Variants in METTL25 observed in about 807,000 individuals in gnomAD.
METTL25 encodes probable methyltransferase-like protein 25.
In METTL25, 64 loss-of-function variants were observed where a neutral mutation model predicts 71.6. The observed-to-expected ratio is 0.89, with a 90% CI of 0.73 to 1.10. The LOEUF (loss-of-function observed/expected upper bound fraction) is 1.10, where lower values mean the gene tolerates loss of function less well. Ranked by LOEUF, METTL25 falls within the 50% of genes least tolerant of loss-of-function variation. METTL25 has a pLI of 0.00. For synonymous variants in METTL25, 287 were observed against 250.3 expected (o/e 1.15, Z -1.38); for missense variants, 807 against 707.0 (o/e 1.14, Z -1.60).
At chr12:82,366,353 A>T (rs1212362693) in intron 1 of METTL25, among the ~76,000 whole-genome samples, 1 of 152,106 alleles carries the variant, frequency 6.6e-6, no homozygotes, top group African/African-American at 2.4e-5. Context: ...GCCTCCAGGG[A>T]CTTTCTCTTG....
At chr12:82,447,980 A>G (rs1325569200) in intron 8 of METTL25, among the ~76,000 whole-genome samples, 1 of 152,086 alleles carries the variant, frequency 6.6e-6, no homozygotes, top group African/African-American at 2.4e-5. Context: ...AACCAGGATC[A>G]GGACTAAATT....
At chr12:82,441,755 A>G (rs1270452529) in intron 8 of METTL25, among the ~76,000 whole-genome samples, 1 of 150,616 alleles carries the variant, frequency 6.6e-6, no homozygotes, top group Non-Finnish European at 1.5e-5. Flanking sequence ...CAGGCCTAGA[A>G]AAACTTTTAT....
At chr12:82,393,013 A>G (rs561187152) in intron 3 of METTL25, among the ~76,000 whole-genome samples, 1 of 152,066 alleles carries the variant, frequency 6.6e-6, no homozygotes, top group South Asian at 2.1e-4. Flanking sequence ...GGAGTGTCAT[A>G]CTGTTTGGGT....
Position 82,358,629 on chromosome 12 carries a change from G to A in METTL25, c.64G>A (p.Gly22Arg), listed in dbSNP as rs749709750. ...GCCCACGCTGCGTGCCAAGTTGCAGGGACTGCTGCAGTTCCTGAGGGATGC... is the reference window on the plus strand; with the variant it reads ...GCCCACGCTGCGTGCCAAGTTGCAGAGACTGCTGCAGTTCCTGAGGGATGC... ...DLPTLRAKLQ[G>R]LLQFLRDALS... The change falls in exon 1 of 12, where the codon GGA (glycine) becomes AGA (arginine). Residue 22 changes from glycine (G) to arginine (R), a missense_variant. Coordinates refer to ENST00000248306, the MANE Select transcript of METTL25 (RefSeq NM_032230.3). 4.3e-6 allele frequency: 7 copies of A among 1,613,950 alleles called. No homozygotes were observed. Among genetic ancestry groups the A allele is most frequent in the Non-Finnish European group, 5.9e-6 (7 of 1,180,060 alleles).
chr12:82,457,788 A>G (rs566352967), intron 9 of METTL25, among the ~76,000 whole-genome samples: 2 of 152,202 alleles, frequency 1.3e-5, no homozygotes, highest in Admixed American at 1.3e-4. Context: ...AAATATTTTT[A>G]TTTAGTCACT....
At chr12:82,395,612 C>G (rs997140685) in intron 3 of METTL25, among the ~76,000 whole-genome samples, 2 of 152,014 alleles carry the variant, frequency 1.3e-5, no homozygotes, top group African/African-American at 4.8e-5. Flanking sequence ...TGTATCTTTA[C>G]TATCTAAAGT....
intron 5 of METTL25, among the ~76,000 whole-genome samples, chr12:82,406,151 C>T (rs1887069251): frequency 6.6e-6 from 1 of 152,136 alleles, no homozygotes; most frequent in South Asian, 2.1e-4. Flanking sequence ...GTGTTCCACT[C>T]TGTGCTTAGT....
At chr12:82,451,134 A>G (rs950246622) in intron 8 of METTL25, among the ~76,000 whole-genome samples, 28 of 152,200 alleles carry the variant, frequency 1.8e-4, no homozygotes, top group Middle Eastern at 3.2e-3. Context: ...GACTTTGATT[A>G]TTCTGTAACT....
Position 82,458,061 on chromosome 12 carries a change from T to C in METTL25, c.1572+1241T>C, listed in dbSNP as rs1022336615. Among the ~76,000 whole-genome samples, 37 of 152,210 alleles carry C rather than the reference T, an allele frequency of 2.4e-4. No homozygotes were observed. In the Middle Eastern group the frequency reaches 0.014, roughly 56 times the overall value. The stretch of plus-strand genomic sequence containing the variant: ...TACAGTTTTACTTAAACTTAATAAA[T>C]TAAAAAATTTATTATCATTCCTTCT... On this transcript the variant is annotated intron_variant, in intron 9 of 11. Transcript: ENST00000248306.
intron 8 of METTL25, chr12:82,439,749 T>G (rs1161391443): frequency 1.1e-5 from 4 of 358,852 alleles, no homozygotes; most frequent in African/African-American, 2.2e-5. Context: ...TAGTTCCTTC[T>G]CTTATATTTA....
At chr12:82,435,317 T>G (rs1022011124) in intron 7 of METTL25, among the ~76,000 whole-genome samples, 6 of 151,456 alleles carry the variant, frequency 4.0e-5, no homozygotes, top group Admixed American at 3.3e-4. Context: ...GAAATATTTC[T>G]TTTGCTTTTG....
intron 1 of METTL25, among the ~76,000 whole-genome samples, chr12:82,360,758 G>A (rs117713291): frequency 0.01 from 1,549 of 152,222 alleles, 6 homozygotes; most frequent in Non-Finnish European, 0.015. Context: ...TCTTGTGTCC[G>A]GAATTGTTAG....
At chr12:82,394,042 A>G (rs1038614243) in intron 3 of METTL25, among the ~76,000 whole-genome samples, 1 of 151,842 alleles carries the variant, frequency 6.6e-6, no homozygotes, top group Non-Finnish European at 1.5e-5. Flanking sequence ...ATGTGTTTTT[A>G]TACTCTTCAG....
chr12:82,366,071 G>C (rs994392650), intron 1 of METTL25, among the ~76,000 whole-genome samples: 1 of 152,014 alleles, frequency 6.6e-6, no homozygotes, highest in African/African-American at 2.4e-5. Context: ...AACAGAGTGA[G>C]ATTCCGTCTC....
intron 1 of METTL25, among the ~76,000 whole-genome samples, chr12:82,359,678 G>A (rs1881552494): frequency 6.6e-6 from 1 of 151,276 alleles, no homozygotes; most frequent in African/African-American, 2.4e-5. Flanking sequence ...CCTAATATGT[G>A]TCTTGAATTT....
chr12:82,406,499 G>A (rs750835454), intron 5 of METTL25, among the ~76,000 whole-genome samples: 14 of 151,938 alleles, frequency 9.2e-5, no homozygotes, highest in Admixed American at 3.3e-4. Context: ...CACAGAGAAC[G>A]TTGCTTTAGT....
intron 8 of METTL25, among the ~76,000 whole-genome samples, chr12:82,449,696 G>A (rs984221031): frequency 6.6e-6 from 1 of 151,964 alleles, no homozygotes; most frequent in African/African-American, 2.4e-5. Flanking sequence ...ACAATTAATT[G>A]TATTTCTACT....
intron 9 of METTL25, among the ~76,000 whole-genome samples, chr12:82,464,598 C>A (rs981400908): frequency 7.9e-5 from 12 of 151,838 alleles, no homozygotes; most frequent in Admixed American, 4.6e-4. Context: ...TATTCTGGAT[C>A]TTTTGTAACT....
chr12:82,434,202 T>G (rs1889742213), intron 6 of METTL25, among the ~76,000 whole-genome samples: 6 of 151,398 alleles, frequency 4.0e-5, no homozygotes, highest in Admixed American at 4.0e-4. Context: ...TACATATAGT[T>G]TTCCAAAATA....
Sources: gnomAD v4.1 joint callset for allele counts (sites outside exome capture counted in the v4.1 genomes callset) on GRCh38, gnomAD v4.1.1 for gene constraint, MANE v1.5 for transcripts, NCBI Gene and HGNC (gene_info 2026-07-23, HGNC 2026-07-21) for gene names.